Variants in TRNT1 observed in about 807,000 individuals in gnomAD.
TRNT1 encodes the protein tRNA nucleotidyl transferase 1.
In TRNT1, 44 loss-of-function variants were observed where a neutral mutation model predicts 45.6. That is an observed-to-expected ratio of 0.97 (90% confidence interval 0.76 to 1.24). The LOEUF is 1.24. Among genes scored for constraint, TRNT1 ranks in the 50% most tolerant of loss-of-function variants. TRNT1 has a pLI of 0.00. For missense variants in TRNT1, 633 were observed against 504.4 expected, an observed-to-expected ratio of 1.25 and a Z score of -2.44; for synonymous variants, 201 against 171.4, an observed-to-expected ratio of 1.17 and a Z score of -1.35.
At position 3,130,188 on chromosome 3, in the gene TRNT1, T is replaced by C. The variant is rs991438590; in HGVS notation, c.148+1000T>C. On this transcript the variant is annotated intron_variant, in intron 2 of 7. Coordinates refer to ENST00000251607, the MANE Select transcript of TRNT1 (RefSeq NM_182916.3). ...TAGTAGTATATGTAGAAATATGACC[T>C]ATACAGCACTGGCTATCTATTAGAT... 22 of 541,156 alleles carry C rather than the reference T, an allele frequency of 4.1e-5. No individual in the cohort carries two copies. In the East Asian group the frequency reaches 7.1e-4, roughly 17 times the overall value. The allele number at this position is 541,156 out of a possible 1,614,324, so 33.5% of individuals were successfully genotyped here. A position where few individuals can be genotyped will look rare whatever the true frequency, so the allele number is the denominator to read the frequency against.
At chr3:3,152,132 T>C (rs892398530), downstream of TRNT1, among the ~76,000 whole-genome samples, 3 of 149,110 alleles carry the variant, frequency 2.0e-5, no homozygotes, top group Admixed American at 1.4e-4. Flanking sequence ...ATTTGTGGAA[T>C]GAAGGACATT....
intron 2 of TRNT1, among the ~76,000 whole-genome samples, chr3:3,132,999 A>G (rs995404799): frequency 1.3e-5 from 2 of 152,164 alleles, no homozygotes; most frequent in Non-Finnish European, 2.9e-5. Context: ...GGTAAAATGT[A>G]ATGTTCTGTA....
At chr3:3,151,220 T>C (rs1177954876), downstream of TRNT1, among the ~76,000 whole-genome samples, 5 of 152,234 alleles carry the variant, frequency 3.3e-5, no homozygotes. Context: ...AAACATTTTC[T>C]AATTTTGTAA....
chr3:3,150,854 A>G (rs113851974), downstream of TRNT1: 74 of 1,607,308 alleles, frequency 4.6e-5, no homozygotes, highest in South Asian at 7.3e-4. Context: ...CTTTATCTCT[A>G]TCACATCTGT....
In TRNT1 at chr3:3,148,925, GTTATT is replaced by G. The variant is rs1249120912; in HGVS notation, c.*777_*781del. The G allele has an allele frequency of 5.9e-5, 9 of 151,894 alleles. No homozygotes were observed. The highest frequency in any genetic ancestry group is 1.9e-4 in the African/African-American group (8 of 41,392). 9.4% of individuals were successfully genotyped at this position (151,894 alleles called of 1,614,324 possible). On this transcript the variant is annotated 3_prime_UTR_variant, in exon 8 of 8. Coordinates refer to ENST00000251607, the MANE Select transcript of TRNT1 (RefSeq NM_182916.3). ...ATGGTAATATGCCTGTCTTTAAAGT[GTTATT>G]TTATTAATTAAAAGGATATGGCTAT... is the stretch of plus-strand genomic sequence containing the variant.
In TRNT1 at chr3:3,137,320, T is replaced by G; in HGVS notation, c.209T>G (p.Leu70Ter). The change falls in exon 3 of 8, where the codon TTA becomes TGA. Residue 70 changes from leucine (L) to a stop codon, truncating the protein, a stop_gained. Coordinates refer to ENST00000251607, the MANE Select transcript of TRNT1 (RefSeq NM_182916.3). LOFTEE classifies it high-confidence loss of function. ...GCAGGAGGAGCAGTGAGGGATTTAT[T>G]AAATGGAGTAAAGCCTCAGGATATA... is the stretch of plus-strand genomic sequence containing the variant. ...RIAGGAVRDL[L>*]NGVKPQDIDF... 1.9e-6 allele frequency: 3 copies of G among 1,612,960 alleles called. No individual in the cohort carries two copies. The highest frequency in any genetic ancestry group is 2.5e-6 in the Non-Finnish European group (3 of 1,179,558).
chr3:3,151,640 G>T (rs1164701989), downstream of TRNT1, among the ~76,000 whole-genome samples: 1 of 152,014 alleles, frequency 6.6e-6, no homozygotes, highest in African/African-American at 2.4e-5. Flanking sequence ...TTTATTTATA[G>T]TAACAAATGT....
chr3:3,146,424 T>G lies in TRNT1; in HGVS notation c.609-6T>G. On this transcript the variant is annotated splice_region_variant and splice_polypyrimidine_tract_variant and intron_variant, in intron 5 of 7. Transcript: ENST00000251607. ...GGTAATACCCTGTGAAGATTTTGTCTTGTAGGTTTTATGGGAGAATTGTAG... is the reference window on the plus strand; with the variant it reads ...GGTAATACCCTGTGAAGATTTTGTCGTGTAGGTTTTATGGGAGAATTGTAG... The G allele has an allele frequency of 6.2e-7, 1 of 1,603,982 alleles. No homozygotes were observed. The highest frequency in any genetic ancestry group is 8.5e-7 in the Non-Finnish European group (1 of 1,176,618).
chr3:3,141,442 C>T (rs1705647282), intron 4 of TRNT1, among the ~76,000 whole-genome samples: 1 of 152,176 alleles, frequency 6.6e-6, no homozygotes, highest in African/African-American at 2.4e-5. Context: ...TGGTGAATGA[C>T]TTCAGCACTT....
downstream of TRNT1, chr3:3,153,364 T>TA: frequency 1.0e-6 from 1 of 972,834 alleles, no homozygotes; most frequent in Non-Finnish European, 1.7e-6. Context: ...AAAACAGAAA[T>TA]ACAGTCTTCA....
chr3:3,140,674 T>C (rs377305727), intron 4 of TRNT1, 26 bp downstream of exon 4: 64 of 1,609,058 alleles, frequency 4.0e-5, no homozygotes, highest in Non-Finnish European at 5.2e-5. Flanking sequence ...AAAACCATAT[T>C]GTGAGTCTAT....
At chr3:3,137,161 T>A (rs969878531) in intron 2 of TRNT1, 99 bp from the exon 3 acceptor site, 115 of 928,034 alleles carry the variant, frequency 1.2e-4, no homozygotes, top group Non-Finnish European at 1.7e-4. Context: ...GAATCTCTGC[T>A]GTTCCAACTA....
chr3:3,144,680 A>AG lies in TRNT1; in HGVS notation c.580dup (p.Asp194GlyfsTer4). 6.4e-7 allele frequency: 1 copy of AG among 1,553,910 alleles called. No individual in the cohort carries two copies. The highest frequency in any genetic ancestry group is 8.7e-7 in the Non-Finnish European group (1 of 1,143,466). ...GGACATGCTAAACAGAGAATACAAG[A>AG]GGATTATCTTAGAATTTTAAGATAC... On this transcript the variant is annotated frameshift_variant, in exon 5 of 8. Coordinates refer to ENST00000251607, the MANE Select transcript of TRNT1 (RefSeq NM_182916.3). LOFTEE classifies it high-confidence loss of function.
At chr3:3,129,589 G>A in intron 2 of TRNT1, 1 of 470,570 alleles carries the variant, frequency 2.1e-6, no homozygotes, top group Middle Eastern at 6.0e-4. Context: ...CTCAAAAAAA[G>A]AGAAAGGAAT....
In TRNT1 at chr3:3,138,235, G is replaced by C. The variant is rs374171222; in HGVS notation, c.342+782G>C. ...AAACCTGAGGAAGCCTTACACGTCTGAAAATGTTTTTATTTCACCTCCATG... is the reference window on the plus strand; with the variant it reads ...AAACCTGAGGAAGCCTTACACGTCTCAAAATGTTTTTATTTCACCTCCATG... On this transcript the variant is annotated intron_variant, in intron 3 of 7. Coordinates refer to ENST00000251607, the MANE Select transcript of TRNT1 (RefSeq NM_182916.3). Among the ~76,000 whole-genome samples, 183 of 152,270 alleles carry C rather than the reference G, an allele frequency of 1.2e-3. 1 individual carries two copies. The highest frequency in any genetic ancestry group is 6.8e-3 in the Middle Eastern group (2 of 294).
chr3:3,141,327 C>T (rs558169486), intron 4 of TRNT1, among the ~76,000 whole-genome samples: 9 of 151,582 alleles, frequency 5.9e-5, no homozygotes, highest in Admixed American at 5.3e-4. Flanking sequence ...CATGTACATA[C>T]TCCACACACA....
At position 3,144,715 on chromosome 3, in the gene TRNT1, G is replaced by A; in HGVS notation, c.608+5G>A. On this transcript the variant is annotated splice_donor_5th_base_variant and intron_variant, in intron 5 of 7. Coordinates refer to ENST00000251607, the MANE Select transcript of TRNT1 (RefSeq NM_182916.3). The stretch of plus-strand genomic sequence containing the variant: ...TAGAATTTTAAGATACTTCAGGTAA[G>A]AATTTTTAAAAATAAAAAATGATAG... The A allele has an allele frequency of 6.6e-7, 1 of 1,522,124 alleles. No homozygotes were observed. Among genetic ancestry groups the A allele is most frequent in the Non-Finnish European group, 8.9e-7 (1 of 1,125,252 alleles). The allele number at this position is 1,522,124 out of a possible 1,614,324, so 94.3% of individuals were successfully genotyped here.
chr3:3,134,454 T>A (rs1705203656), intron 2 of TRNT1, among the ~76,000 whole-genome samples: 1 of 152,200 alleles, frequency 6.6e-6, no homozygotes. Context: ...AATATATTAC[T>A]TTGAGTTCTG....
downstream of TRNT1, chr3:3,149,370 A>G (rs1706311106): frequency 6.6e-6 from 1 of 152,046 alleles, no homozygotes; most frequent in Non-Finnish European, 1.5e-5. Context: ...AGATTTAGCT[A>G]TCAGGTCTGG....
Sources: allele counts gnomAD v4.1 joint callset (sites outside exome capture counted in the v4.1 genomes callset), GRCh38; gene constraint gnomAD v4.1.1; transcripts MANE v1.5; gene names NCBI Gene and HGNC (gene_info 2026-07-23, HGNC 2026-07-21).